The following PDZRN4 variants were observed in gnomAD, a reference collection of about 807,000 sequenced individuals.
The protein encoded by PDZRN4 is PDZ domain-containing RING finger protein 4.
A neutral mutation model predicts 99.0 loss-of-function variants in PDZRN4; 70 were observed. That is an observed-to-expected ratio of 0.71 (90% CI 0.58 to 0.86). PDZRN4 has a LOEUF of 0.86. Among genes scored for constraint, PDZRN4 ranks in the 40% least tolerant of loss-of-function variants. PDZRN4 has a pLI of 0.00. For missense variants in PDZRN4, 1,474 were observed against 1,331.2 expected (o/e 1.11, Z -1.67); for synonymous variants, 551 against 501.6 (o/e 1.10, Z -1.32).
At chr12:41,226,551 T>TA (rs374579818) in intron 3 of PDZRN4, among the ~76,000 whole-genome samples, 3,860 of 145,872 alleles carry the variant, frequency 0.026, 58 homozygotes, top group Non-Finnish European at 0.041. Flanking sequence ...TCCATAATCT[T>TA]AAAAAAAAAA....
At chr12:41,387,595 C>G (rs1952181079) in intron 3 of PDZRN4, among the ~76,000 whole-genome samples, 1 of 151,946 alleles carries the variant, frequency 6.6e-6, no homozygotes, top group Non-Finnish European at 1.5e-5. Flanking sequence ...CCAACAACAA[C>G]AACAACAAAA....
At chr12:41,512,964 A>G (rs1175255511) in intron 5 of PDZRN4, among the ~76,000 whole-genome samples, 1 of 152,130 alleles carries the variant, frequency 6.6e-6, no homozygotes, top group Non-Finnish European at 1.5e-5. Flanking sequence ...AGCTTCTAGT[A>G]TATAGACTGC....
At chr12:41,372,009 C>T (rs1158837707) in intron 3 of PDZRN4, among the ~76,000 whole-genome samples, 1 of 152,162 alleles carries the variant, frequency 6.6e-6, no homozygotes, top group African/African-American at 2.4e-5. Context: ...GGAATGTATT[C>T]ACCTTTGTAT....
intron 9 of PDZRN4, among the ~76,000 whole-genome samples, chr12:41,572,098 C>T (rs1651043934): frequency 6.6e-6 from 1 of 152,178 alleles, no homozygotes; most frequent in Non-Finnish European, 1.5e-5. Flanking sequence ...TAAAGAATCA[C>T]TTATTTGAAT....
At chr12:41,299,070 C>T (rs1300369631) in intron 3 of PDZRN4, among the ~76,000 whole-genome samples, 1 of 152,056 alleles carries the variant, frequency 6.6e-6, no homozygotes, top group Non-Finnish European at 1.5e-5. Context: ...TTGCTCCATG[C>T]ATTCTTCAGT....
At chr12:41,359,577 GTTC>G (rs1478224259) in intron 3 of PDZRN4, among the ~76,000 whole-genome samples, 4 of 151,884 alleles carry the variant, frequency 2.6e-5, no homozygotes, top group Admixed American at 6.6e-5. Context: ...TTCCCATTAT[GTTC>G]TTGTGATAGT....
At chr12:41,326,363 G>A (rs1210674358) in intron 3 of PDZRN4, among the ~76,000 whole-genome samples, 1 of 152,042 alleles carries the variant, frequency 6.6e-6, no homozygotes, top group Non-Finnish European at 1.5e-5. Flanking sequence ...TATTGCAGCT[G>A]GTGGACTTTG....
chr12:41,419,649 T>C (rs1050988652), intron 3 of PDZRN4, among the ~76,000 whole-genome samples: 22 of 151,776 alleles, frequency 1.4e-4, no homozygotes, highest in Non-Finnish European at 1.0e-4. Context: ...TTTACAGGAG[T>C]GGGGTACATT....
intron 3 of PDZRN4, among the ~76,000 whole-genome samples, chr12:41,421,889 T>A (rs1952493478): frequency 6.6e-6 from 1 of 152,182 alleles, no homozygotes; most frequent in Admixed American, 6.6e-5. Flanking sequence ...AAACAATATA[T>A]AAAATAGATC....
chr12:41,193,904 C>T (rs550125488), intron 2 of PDZRN4, among the ~76,000 whole-genome samples, 177 bp from the exon 3 acceptor site: 1 of 152,272 alleles, frequency 6.6e-6, no homozygotes, highest in East Asian at 1.9e-4. Flanking sequence ...TTCATTAAAA[C>T]TGCCACCTTG....
intron 3 of PDZRN4, among the ~76,000 whole-genome samples, chr12:41,261,912 A>G (rs1298138866): frequency 6.6e-6 from 1 of 152,224 alleles, no homozygotes; most frequent in Admixed American, 6.5e-5. Context: ...GATCCATGCC[A>G]GAGAACATGG....
chr12:41,505,204 T>A (rs919788930), intron 3 of PDZRN4, among the ~76,000 whole-genome samples: 2 of 152,044 alleles, frequency 1.3e-5, no homozygotes, highest in African/African-American at 4.8e-5. Context: ...CACCCAGGGA[T>A]CTCTAAGGGT....
intron 3 of PDZRN4, among the ~76,000 whole-genome samples, chr12:41,420,367 A>G (rs1338335840): frequency 6.6e-6 from 1 of 152,046 alleles, no homozygotes; most frequent in African/African-American, 2.4e-5. Flanking sequence ...CCTTCCTTTG[A>G]TCCTACTGTC....
rs563641006 is a variant in PDZRN4, at chr12:41,496,328, T to C, written c.844-10128T>C. On this transcript the variant is annotated intron_variant, in intron 3 of 9. Coordinates refer to ENST00000402685, the MANE Select transcript of PDZRN4 (RefSeq NM_001164595.2). Reference sequence around the variant, plus strand: ...GGAAGGAAGGAGGGAGGGAAGGAAGTGTTATGGATCACCACCATAGCACTG... The same window carrying C: ...GGAAGGAAGGAGGGAGGGAAGGAAGCGTTATGGATCACCACCATAGCACTG... Among the ~76,000 whole-genome samples the C allele has an allele frequency of 3.3e-5, 5 of 152,168 alleles. No homozygotes were observed. The South Asian group carries it at 1.0e-3, about 32-fold the overall frequency.
chr12:41,493,911 G>A (rs1209453765), intron 3 of PDZRN4, among the ~76,000 whole-genome samples: 1 of 144,172 alleles, frequency 6.9e-6, no homozygotes, highest in East Asian at 2.1e-4. Context: ...TGGGGGGGGG[G>A]ATTCTCTTTA....
intron 5 of PDZRN4, among the ~76,000 whole-genome samples, chr12:41,527,068 T>A (rs982676936): frequency 6.6e-6 from 1 of 152,206 alleles, no homozygotes; most frequent in Non-Finnish European, 1.5e-5. Flanking sequence ...TACACTACCG[T>A]GAGACATTCA....
chr12:41,444,424 C>T (rs997692364), intron 3 of PDZRN4, among the ~76,000 whole-genome samples: 6 of 152,100 alleles, frequency 3.9e-5, no homozygotes, highest in African/African-American at 1.2e-4. Flanking sequence ...TTCCCTCCTT[C>T]TGCCCAATTC....
At chr12:41,415,401 A>T (rs1952436389) in intron 3 of PDZRN4, among the ~76,000 whole-genome samples, 1 of 150,138 alleles carries the variant, frequency 6.7e-6, no homozygotes, top group African/African-American at 2.4e-5. Context: ...AAAGATATAC[A>T]TATCATTGTA....
intron 5 of PDZRN4, among the ~76,000 whole-genome samples, chr12:41,523,090 G>C (rs551568939): frequency 1.6e-3 from 247 of 152,152 alleles, no homozygotes; most frequent in Non-Finnish European, 2.8e-3. Context: ...AGTCCTGTGT[G>C]ACCCCTCTGA....
Sources: gnomAD v4.1 joint callset for allele counts (sites outside exome capture counted in the v4.1 genomes callset) on GRCh38, gnomAD v4.1.1 for gene constraint, MANE v1.5 for transcripts, NCBI Gene and HGNC (gene_info 2026-07-23, HGNC 2026-07-21) for gene names.